Variants in CAPZA2 observed in about 807,000 individuals in gnomAD.
CAPZA2 encodes the protein F-actin-capping protein subunit alpha-2.
Under a neutral mutation model 44.0 loss-of-function variants are expected in CAPZA2, and 13 were observed. The observed-to-expected ratio is 0.30, with a 90% CI of 0.19 to 0.47. The LOEUF (loss-of-function observed/expected upper bound fraction) is 0.47. Ranked by LOEUF, CAPZA2 falls within the 20% of genes least tolerant of loss-of-function variation. The pLI is 1.00. For synonymous variants in CAPZA2, 94 were observed against 108.2 expected, an observed-to-expected ratio of 0.87 and a Z score of 0.81; for missense variants, 244 against 338.6, an observed-to-expected ratio of 0.72 and a Z score of 2.19.
chr7:116,862,708 T>G, intron 1 of CAPZA2, 58 bp downstream of exon 1: 1 of 1,491,612 alleles, frequency 6.7e-7, no homozygotes, highest in Non-Finnish European at 9.0e-7. Context: ...CCCGGGCGGG[T>G]GGGCCCGGAG....
At chr7:116,904,776 A>T (rs1017676354) in intron 5 of CAPZA2, 2 of 158,430 alleles carry the variant, frequency 1.3e-5, no homozygotes, top group African/African-American at 4.8e-5. Context: ...TGTATTTTAC[A>T]GTTACATTTC....
intron 1 of CAPZA2, among the ~76,000 whole-genome samples, chr7:116,865,644 A>G (rs1796473694): frequency 6.6e-6 from 1 of 152,168 alleles, no homozygotes; most frequent in Non-Finnish European, 1.5e-5. Context: ...AGTGGTGATC[A>G]TGGCTCACTG....
intron 8 of CAPZA2, 133 bp downstream of exon 8, chr7:116,912,273 G>A: frequency 7.3e-7 from 1 of 1,376,680 alleles, no homozygotes. Flanking sequence ...ATAAGTAATT[G>A]CAAACCTGTA....
chr7:116,880,176 T>A, intron 1 of CAPZA2: 1 of 451,398 alleles, frequency 2.2e-6, no homozygotes, highest in South Asian at 1.6e-5. Context: ...AGATGCCATA[T>A]CAAAAAAGTA....
At chr7:116,917,232 T>A (rs1397881510) in intron 9 of CAPZA2, among the ~76,000 whole-genome samples, 1 of 152,104 alleles carries the variant, frequency 6.6e-6, no homozygotes. Flanking sequence ...GGCTTTTTCT[T>A]CTAGCTGCTT....
intron 1 of CAPZA2, among the ~76,000 whole-genome samples, chr7:116,869,715 T>G (rs1796526328): frequency 6.6e-6 from 1 of 152,248 alleles, no homozygotes; most frequent in Non-Finnish European, 1.5e-5. Context: ...CTGCATCTCA[T>G]TCATTCCATG....
chr7:116,875,955 A>G (rs894336890), intron 1 of CAPZA2: 3 of 152,192 alleles, frequency 2.0e-5, no homozygotes, highest in Non-Finnish European at 2.9e-5. Context: ...AAATTCAGTT[A>G]CATAGAAGTT....
chr7:116,864,107 A>G (rs1237447791), intron 1 of CAPZA2, among the ~76,000 whole-genome samples: 1 of 152,158 alleles, frequency 6.6e-6, no homozygotes, highest in African/African-American at 2.4e-5. Flanking sequence ...AAATAATCCT[A>G]TTTTATTTAG....
At position 116,912,102 on chromosome 7, in the gene CAPZA2, G is replaced by A. The variant is rs1791604641; in HGVS notation, c.619G>A (p.Val207Met). The A allele has an allele frequency of 5.6e-6, 9 of 1,613,022 alleles. No individual in the cohort carries two copies. Among genetic ancestry groups the A allele is most frequent in the Non-Finnish European group, 7.6e-6 (9 of 1,179,330 alleles). Residue 207 changes from valine (V) to methionine (M), a missense_variant, in exon 8 of 10, where the codon GTG (valine) becomes ATG (methionine). Val to Met is a conservative substitution (Grantham distance 21). Coordinates refer to ENST00000361183, the MANE Select transcript of CAPZA2 (RefSeq NM_006136.3). ...TTATGAAGATGGTAATGTTCAGCTAGTGAGTCATAAAGATATACAAGATTC... is the reference window on the plus strand; with the variant it reads ...TTATGAAGATGGTAATGTTCAGCTAATGAGTCATAAAGATATACAAGATTC... ...HYYEDGNVQL[V>M]SHKDIQDSLT... is the part of the protein sequence containing the mutation.
intron 1 of CAPZA2, among the ~76,000 whole-genome samples, chr7:116,865,930 G>T (rs1796477390): frequency 6.6e-6 from 1 of 152,070 alleles, no homozygotes; most frequent in Non-Finnish European, 1.5e-5. Flanking sequence ...CTAAATTTTT[G>T]TCTTGATGAT....
chr7:116,882,479 T>A (rs2115905598), intron 1 of CAPZA2, among the ~76,000 whole-genome samples: 1 of 151,518 alleles, frequency 6.6e-6, no homozygotes, highest in South Asian at 2.1e-4. Flanking sequence ...ATTATTATTA[T>A]TTTTTTTTAC....
chr7:116,917,891 A>G lies in CAPZA2; in HGVS notation c.*24A>G, dbSNP rs1205521979. On this transcript the variant is annotated 3_prime_UTR_variant, in exon 10 of 10. Transcript: ENST00000361183. ...AAGATGAACATTGCATGACCGGATC[A>G]TTTTAGTGTCTTTGCGTTAAAAAAT... is the stretch of plus-strand genomic sequence containing the variant. 2 of 1,595,042 alleles carry G rather than the reference A, an allele frequency of 1.3e-6. No homozygotes were observed. The highest frequency in any genetic ancestry group is 1.7e-6 in the Non-Finnish European group (2 of 1,163,118).
chr7:116,866,297 G>T (rs1796481632), intron 1 of CAPZA2, among the ~76,000 whole-genome samples: 1 of 150,414 alleles, frequency 6.6e-6, no homozygotes, highest in Non-Finnish European at 1.5e-5. Context: ...TCAGCCTCCC[G>T]AGTAGCTGGG....
At chr7:116,894,483 A>C (rs1342582069) in intron 3 of CAPZA2, among the ~76,000 whole-genome samples, 1 of 152,194 alleles carries the variant, frequency 6.6e-6, no homozygotes. Context: ...ACTTGTGGGC[A>C]TATCTGCTTT....
chr7:116,894,401 G>A (rs893985522), intron 3 of CAPZA2, among the ~76,000 whole-genome samples: 1 of 150,990 alleles, frequency 6.6e-6, no homozygotes. Context: ...AAATTTCTCT[G>A]ATTTTATTGT....
At chr7:116,916,199 G>A (rs1475954569) in intron 9 of CAPZA2, 77 bp downstream of exon 9, 2 of 1,398,288 alleles carry the variant, frequency 1.4e-6, no homozygotes, top group South Asian at 1.6e-5. Flanking sequence ...TCAGCCAAAG[G>A]CTGAATTTTT....
In CAPZA2 at chr7:116,919,912, A is replaced by T. The variant is rs1304780139; in HGVS notation, c.*2045A>T. The T allele has an allele frequency of 6.6e-6, 1 of 150,634 alleles. No homozygotes were observed. The highest frequency in any genetic ancestry group is 2.0e-4 in the East Asian group (1 of 5,068). 9.3% of individuals were successfully genotyped at this position (150,634 alleles called of 1,614,324 possible). A position where few individuals can be genotyped will look rare whatever the true frequency, so the allele number is the denominator to read the frequency against. On this transcript the variant is annotated 3_prime_UTR_variant, in exon 10 of 10. Transcript: ENST00000361183. The stretch of plus-strand genomic sequence containing the variant: ...AATAATATAATTTAGAACAGTCTGA[A>T]ATAATGATGGCACAGAATAGTCTTT...
At chr7:116,866,839 T>C (rs1049045049) in intron 1 of CAPZA2, among the ~76,000 whole-genome samples, 4 of 152,240 alleles carry the variant, frequency 2.6e-5, no homozygotes, top group African/African-American at 9.6e-5. Context: ...CTGCTATTCA[T>C]GTTCACTGGA....
chr7:116,886,054 AG>A (rs1368879268), intron 1 of CAPZA2: 1 of 154,796 alleles, frequency 6.5e-6, no homozygotes, highest in African/African-American at 2.4e-5. Flanking sequence ...AGAAGTTTGA[AG>A]CAGAATCTAT....
Sources: allele counts gnomAD v4.1 joint callset (sites outside exome capture counted in the v4.1 genomes callset), GRCh38; gene constraint gnomAD v4.1.1; transcripts MANE v1.5; gene names NCBI Gene and HGNC (gene_info 2026-07-23, HGNC 2026-07-21).